PKN2: variants seen among roughly 807,000 people sequenced by gnomAD.
PKN2 encodes the protein protein kinase N2, also known as serine/threonine-protein kinase N2.
A neutral mutation model predicts 119.1 loss-of-function variants in PKN2; 38 were observed. That is an observed-to-expected ratio of 0.32 (90% CI 0.25 to 0.42). The LOEUF is 0.42. PKN2 is among the 10% of genes least tolerant of loss of function. The probability of loss-of-function intolerance (pLI) is 1.00; values close to 1 mark genes in which losing one functional copy is unlikely to be tolerated. For missense variants in PKN2, 850 were observed against 1,165.1 expected (o/e 0.73, Z 3.94); for synonymous variants, 390 against 384.9 (o/e 1.01, Z -0.15).
At chr1:88,765,088 GGC>G (rs1355579490) in intron 3 of PKN2, among the ~76,000 whole-genome samples, 4 of 147,012 alleles carry the variant, frequency 2.7e-5, no homozygotes, top group Non-Finnish European at 5.9e-5. Flanking sequence ...CACTATGCCT[GGC>G]TACTTTTTTT....
chr1:88,769,506 T>G (rs531036791), intron 3 of PKN2, among the ~76,000 whole-genome samples: 3 of 152,228 alleles, frequency 2.0e-5, no homozygotes, highest in Non-Finnish European at 2.9e-5. Context: ...AAATTACAAA[T>G]GTGAATTTGG....
intron 1 of PKN2, among the ~76,000 whole-genome samples, chr1:88,709,386 C>A (rs1272651832): frequency 6.6e-6 from 1 of 152,108 alleles, no homozygotes; most frequent in African/African-American, 2.4e-5. Context: ...AATACACTTT[C>A]TTCTCTCATG....
chr1:88,699,242 T>A (rs1382394045), intron 1 of PKN2, among the ~76,000 whole-genome samples: 1 of 152,174 alleles, frequency 6.6e-6, no homozygotes, highest in East Asian at 1.9e-4. Flanking sequence ...TTTCTCTGTT[T>A]TGGGAGATTG....
intron 1 of PKN2, among the ~76,000 whole-genome samples, chr1:88,693,445 CACTT>C (rs1666409286): frequency 1.3e-5 from 2 of 152,346 alleles, no homozygotes; most frequent in Admixed American, 6.5e-5. Flanking sequence ...AGTAAGTCCT[CACTT>C]AATGTCATTG....
At chr1:88,751,219 G>A (rs994541389) in intron 2 of PKN2, among the ~76,000 whole-genome samples, 1 of 151,858 alleles carries the variant, frequency 6.6e-6, no homozygotes, top group African/African-American at 2.4e-5. Context: ...CAGAATCTAG[G>A]TGATGGGTAT....
Position 88,694,940 on chromosome 1 carries a change from T to C in PKN2, c.48+10312T>C, listed in dbSNP as rs552903551. Among the ~76,000 whole-genome samples, 6 of 152,222 alleles carry C rather than the reference T, an allele frequency of 3.9e-5. No homozygotes were observed. In the South Asian group the frequency reaches 1.2e-3, roughly 32 times the overall value. The stretch of plus-strand genomic sequence containing the variant: ...ATCATGAGGTCAGGAGATCGAGAGA[T>C]CACAGTGAAACCCCGTCTGTACTAA... On this transcript the variant is annotated intron_variant, in intron 1 of 21. Coordinates refer to ENST00000370521, the MANE Select transcript of PKN2 (RefSeq NM_006256.4).
intron 15 of PKN2, among the ~76,000 whole-genome samples, chr1:88,808,214 AT>A (rs915008507): frequency 6.6e-6 from 1 of 151,936 alleles, no homozygotes; most frequent in Non-Finnish European, 1.5e-5. Context: ...TTTTCCTTTT[AT>A]TTTTTTTAAA....
chr1:88,771,748 A>G lies in PKN2; in HGVS notation c.854A>G (p.Asn285Ser). Reference sequence around the variant, plus strand: ...CAAAGATTAAACGAAGTCCCCAAGAATCATCCCAAAAGCAGGATTATTATT... The same window carrying G: ...CAAAGATTAAACGAAGTCCCCAAGAGTCATCCCAAAAGCAGGATTATTATT... ...LEQRLNEVPK[N>S]HPKSRIIIEE... is the part of the protein sequence containing the mutation. The change falls in exon 6 of 22, where the codon AAT becomes AGT. Residue 285 changes from asparagine to serine, a missense_variant. This residue lies in a region of PKN2 where 350 missense variants were observed against 511.1 expected (regional missense o/e 0.68). Coordinates refer to ENST00000370521, the MANE Select transcript of PKN2 (RefSeq NM_006256.4). The G allele has an allele frequency of 1.2e-6, 2 of 1,613,978 alleles. No homozygotes were observed. The highest frequency in any genetic ancestry group is 1.7e-6 in the Non-Finnish European group (2 of 1,179,900).
At chr1:88,794,295 A>G (rs1670970476) in intron 8 of PKN2, among the ~76,000 whole-genome samples, 1 of 150,810 alleles carries the variant, frequency 6.6e-6, no homozygotes, top group Non-Finnish European at 1.5e-5. Context: ...TGAACCCGAG[A>G]GGCGGAGGTT....
intron 1 of PKN2, among the ~76,000 whole-genome samples, chr1:88,695,939 T>C (rs1443430180): frequency 6.6e-6 from 1 of 152,210 alleles, no homozygotes; most frequent in East Asian, 1.9e-4. Flanking sequence ...TTTATTTAGC[T>C]TACTCATATA....
chr1:88,693,400 A>C (rs1666407434), intron 1 of PKN2, among the ~76,000 whole-genome samples: 1 of 152,234 alleles, frequency 6.6e-6, no homozygotes, highest in Admixed American at 6.5e-5. Context: ...GATAAAAAAA[A>C]TTCTTAAGTC....
intron 8 of PKN2, among the ~76,000 whole-genome samples, chr1:88,801,654 A>G (rs1354264383): frequency 4.6e-5 from 7 of 152,234 alleles, no homozygotes; most frequent in Non-Finnish European, 1.5e-5. Flanking sequence ...GTAACAAAAA[A>G]TGAAGAGCTT....
At chr1:88,685,928 T>C (rs1233563123) in intron 1 of PKN2, among the ~76,000 whole-genome samples, 3 of 152,198 alleles carry the variant, frequency 2.0e-5, no homozygotes, top group Non-Finnish European at 4.4e-5. Context: ...GGTATAATGG[T>C]TGATATTTCC....
At chr1:88,822,294 C>G (rs754983707) in intron 17 of PKN2, among the ~76,000 whole-genome samples, 15 of 152,102 alleles carry the variant, frequency 9.9e-5, no homozygotes, top group Non-Finnish European at 1.8e-4. Flanking sequence ...TGCATTCAAA[C>G]GACTCATTGC....
At chr1:88,793,535 C>G (rs1210063041) in intron 8 of PKN2, among the ~76,000 whole-genome samples, 1 of 151,778 alleles carries the variant, frequency 6.6e-6, no homozygotes, top group Non-Finnish European at 1.5e-5. Context: ...ACATCAGGTA[C>G]TCTCTGATAT....
chr1:88,770,985 A>G (rs531576458), intron 4 of PKN2, among the ~76,000 whole-genome samples: 160 of 150,784 alleles, frequency 1.1e-3, no homozygotes, highest in African/African-American at 3.7e-3. Flanking sequence ...TCTAGAATGT[A>G]TCTCTTCATT....
At chr1:88,806,131 T>A in intron 12 of PKN2, 114 bp downstream of exon 12, 3 of 938,592 alleles carry the variant, frequency 3.2e-6, no homozygotes, top group South Asian at 3.2e-5. Flanking sequence ...ACTGTGAATT[T>A]ATGGTTTTTT....
At chr1:88,771,375 G>A in intron 4 of PKN2, 46 bp from the exon 5 acceptor site, 13 of 1,475,704 alleles carry the variant, frequency 8.8e-6, no homozygotes, top group African/African-American at 1.4e-5. Context: ...CTGCAAATTG[G>A]AAAGTCAGAT....
intron 12 of PKN2, among the ~76,000 whole-genome samples, 164 bp from the exon 13 acceptor site, chr1:88,807,149 T>TA (rs1032236961): frequency 1.3e-5 from 2 of 151,946 alleles, no homozygotes; most frequent in Non-Finnish European, 2.9e-5. Flanking sequence ...GACCCACCTC[T>TA]AAAAAAAGAA....
Sources: allele counts gnomAD v4.1 joint callset (sites outside exome capture counted in the v4.1 genomes callset), GRCh38; gene constraint gnomAD v4.1.1; regional missense constraint gnomAD v4.1.1; transcripts MANE v1.5; gene names NCBI Gene and HGNC (gene_info 2026-07-23, HGNC 2026-07-21).